The following PNKD variants were observed in gnomAD, a reference collection of about 807,000 sequenced individuals.
The protein encoded by PNKD is probable thioesterase PNKD.
Under a neutral mutation model 45.3 loss-of-function variants are expected in PNKD, and 36 were observed. The observed-to-expected ratio is 0.80, with a 90% CI of 0.61 to 1.05. The LOEUF (loss-of-function observed/expected upper bound fraction) is 1.05. Among genes scored for constraint, PNKD ranks in the 50% least tolerant of loss-of-function variants. The pLI is 0.00. For synonymous variants in PNKD, 197 were observed against 210.1 expected, an observed-to-expected ratio of 0.94 and a Z score of 0.54; for missense variants, 511 against 506.6, an observed-to-expected ratio of 1.01 and a Z score of -0.08.
At chr2:218,314,222 C>CTTGTTTT (rs1553667489) in intron 2 of PNKD, among the ~76,000 whole-genome samples, 1 of 67,710 alleles carries the variant, frequency 1.5e-5, no homozygotes, top group African/African-American at 6.5e-5. Context: ...CGCGCCCTGG[C>CTTGTTTT]TTTTTTTTTT....
At chr2:218,293,334 A>C (rs1693044048) in intron 2 of PNKD, among the ~76,000 whole-genome samples, 2 of 152,176 alleles carry the variant, frequency 1.3e-5, no homozygotes, top group Non-Finnish European at 1.5e-5. Context: ...CGATCCTAGC[A>C]CTTTTGGGAG....
intron 2 of PNKD, among the ~76,000 whole-genome samples, chr2:218,316,268 C>CTTTTTTTTTTTTTTTTTTTT (rs397972881): frequency 8.4e-6 from 1 of 119,586 alleles, no homozygotes; most frequent in Non-Finnish European, 1.6e-5. Context: ...TTCTTTCTTT[C>CTTTTTTTTTTTTTTTTTTTT]TTTTTTTTTT....
At chr2:218,292,136 A>C (rs1199188525) in intron 2 of PNKD, among the ~76,000 whole-genome samples, 1 of 152,156 alleles carries the variant, frequency 6.6e-6, no homozygotes, top group African/African-American at 2.4e-5. Context: ...AGGCCCTGCG[A>C]CAGAGAGGCC....
chr2:218,284,985 G>C (rs990260923), intron 2 of PNKD, among the ~76,000 whole-genome samples: 1 of 152,200 alleles, frequency 6.6e-6, no homozygotes, highest in African/African-American at 2.4e-5. Context: ...AGTTACTCGG[G>C]AGGCTGAGGC....
At chr2:218,325,975 G>T (rs886660639) in intron 2 of PNKD, among the ~76,000 whole-genome samples, 1 of 152,050 alleles carries the variant, frequency 6.6e-6, no homozygotes, top group African/African-American at 2.4e-5. Context: ...GCTGCTGGCT[G>T]CTGGGAGGGA....
intron 2 of PNKD, among the ~76,000 whole-genome samples, chr2:218,309,875 C>T (rs1050510593): frequency 1.3e-5 from 2 of 150,732 alleles, no homozygotes; most frequent in African/African-American, 2.4e-5. Flanking sequence ...GCGGAGGCTG[C>T]GGTGAGCCGA....
intron 2 of PNKD, among the ~76,000 whole-genome samples, chr2:218,292,179 C>T (rs577912075): frequency 6.6e-6 from 1 of 152,346 alleles, no homozygotes; most frequent in African/African-American, 2.4e-5. Context: ...ACGAGGACAC[C>T]CCCAGACCCT....
intron 2 of PNKD, chr2:218,285,855 T>C: frequency 6.5e-6 from 1 of 153,144 alleles, no homozygotes; most frequent in Non-Finnish European, 1.5e-5. Context: ...GCTCTTGGGC[T>C]TCTGCCCAGC....
intron 2 of PNKD, among the ~76,000 whole-genome samples, chr2:218,325,804 C>T (rs908733440): frequency 6.6e-6 from 1 of 152,142 alleles, no homozygotes; most frequent in Non-Finnish European, 1.5e-5. Context: ...AGAGCTTCTT[C>T]AAAATGCAGT....
At chr2:218,304,517 A>G (rs544045431) in intron 2 of PNKD, among the ~76,000 whole-genome samples, 1 of 152,276 alleles carries the variant, frequency 6.6e-6, no homozygotes, top group South Asian at 2.1e-4. Context: ...ACTAGCCTGG[A>G]GAACTGTTTC....
intron 2 of PNKD, chr2:218,323,398 T>C (rs1219218235): frequency 1.7e-5 from 27 of 1,576,508 alleles, no homozygotes; most frequent in Non-Finnish European, 2.1e-5. Context: ...GGTCTGCTCA[T>C]GGCGCACAGC....
intron 2 of PNKD, among the ~76,000 whole-genome samples, chr2:218,282,522 T>G (rs10932769): frequency 0.35 from 53,590 of 152,134 alleles, 9,876 homozygotes; most frequent in Middle Eastern, 0.51. Context: ...TTTGGTGGCT[T>G]GATGGCAGAA....
intron 2 of PNKD, chr2:218,323,554 A>AAG (rs1694057746): frequency 1.3e-6 from 1 of 771,096 alleles, no homozygotes; most frequent in Non-Finnish European, 1.8e-6. Context: ...GGTCTAAGGG[A>AAG]AGAGGGATCG....
chr2:218,343,352 T>C (rs920042096), intron 7 of PNKD, 148 bp from the exon 8 acceptor site: 3 of 720,288 alleles, frequency 4.2e-6, no homozygotes, highest in Non-Finnish European at 7.5e-6. Flanking sequence ...GAGGAGGGAA[T>C]AGATGCCTGG....
At chr2:218,316,513 C>T (rs1043852779) in intron 2 of PNKD, among the ~76,000 whole-genome samples, 1 of 152,082 alleles carries the variant, frequency 6.6e-6, no homozygotes, top group Non-Finnish European at 1.5e-5. Flanking sequence ...TCAGGCAATC[C>T]GCCTGCCTTG....
At chr2:218,281,821 A>G (rs1692033070) in intron 2 of PNKD, 4 of 869,470 alleles carry the variant, frequency 4.6e-6, no homozygotes, top group Non-Finnish European at 7.3e-6. Flanking sequence ...ATCTCAACAG[A>G]GAAGATGAGA....
At chr2:218,341,502 G>T (rs1000296352) in intron 5 of PNKD, 32 bp from the exon 6 acceptor site, 7 of 1,457,680 alleles carry the variant, frequency 4.8e-6, no homozygotes, top group Non-Finnish European at 6.6e-6. Flanking sequence ...GTTGCCCCTC[G>T]AAGCCCCCTG....
At position 218,344,817 on chromosome 2, in the gene PNKD, AC is replaced by A; in HGVS notation, c.997del (p.Leu333TrpfsTer11). ...RLERKGTCPS[T>X]LGEERSYNPF... ...TTCCTCTCACCCACAGTGCCCATCT[AC>A]CCTGGGAGAGGAGCGCTCCTACAAC... On this transcript the variant is annotated frameshift_variant, in exon 10 of 10. Transcript: ENST00000273077. LOFTEE classifies it high-confidence loss of function. 1.9e-6 allele frequency: 3 copies of A among 1,613,446 alleles called. No homozygotes were observed. Among genetic ancestry groups the A allele is most frequent in the Non-Finnish European group, 1.7e-6 (2 of 1,179,648 alleles).
intron 2 of PNKD, chr2:218,275,713 C>T: frequency 2.1e-6 from 3 of 1,461,488 alleles, no homozygotes; most frequent in Non-Finnish European, 2.8e-6. Context: ...GGCCTATGCG[C>T]CACACAGTGC....
Sources: allele counts gnomAD v4.1 joint callset (sites outside exome capture counted in the v4.1 genomes callset), GRCh38; gene constraint gnomAD v4.1.1; transcripts MANE v1.5; gene names NCBI Gene and HGNC (gene_info 2026-07-23, HGNC 2026-07-21).